Variants in NPHP3 observed in about 807,000 individuals in gnomAD.
The protein encoded by NPHP3 is nephrocystin 3, also known as nephrocystin-3.
Under a neutral mutation model 171.9 loss-of-function variants are expected in NPHP3, and 123 were observed. The ratio of observed to expected loss-of-function variants is 0.72; its 90% CI spans 0.62 to 0.83. NPHP3 has a LOEUF of 0.83. Ranked by LOEUF, NPHP3 falls within the 40% of genes least tolerant of loss-of-function variation. The pLI, the probability that NPHP3 is intolerant of heterozygous loss-of-function variation, is 0.00. For missense variants in NPHP3, 1,506 were observed against 1,591.9 expected (o/e 0.95, Z 0.92); for synonymous variants, 558 against 579.2 (o/e 0.96, Z 0.52).
intron 23 of NPHP3, chr3:132,685,448 CATT>C (rs1337193452): frequency 1.3e-5 from 2 of 152,094 alleles, no homozygotes; most frequent in Non-Finnish European, 2.9e-5. Context: ...AAGAATAAAT[CATT>C]ATTTTTTATA....
At chr3:132,715,456 A>G (rs978154953) in intron 4 of NPHP3, among the ~76,000 whole-genome samples, 2 of 152,232 alleles carry the variant, frequency 1.3e-5, no homozygotes, top group Non-Finnish European at 2.9e-5. Context: ...CAGTGGTTCC[A>G]GTCAAGTGTC....
rs1212070295 is a variant in NPHP3 at position 132,708,132 on chromosome 3, A to G, written c.1244T>C (p.Val415Ala). 2 of 1,614,100 alleles carry G rather than the reference A, an allele frequency of 1.2e-6. No homozygotes were observed. The highest frequency in any genetic ancestry group is 2.7e-5 in the African/African-American group (2 of 74,926). ...SDSVQQLIDQ[V>A]SNLNKTSKAK... Reference sequence around the variant, plus strand: ...TTTGCTGGTCTTGTTTAGATTAGAAACTTGATCAATCAATTGCTGGACAGA... The same window carrying G: ...TTTGCTGGTCTTGTTTAGATTAGAAGCTTGATCAATCAATTGCTGGACAGA... Residue 415 changes from valine (V) to alanine (A), a missense_variant, in exon 7 of 27, where the codon GTT becomes GCT. Physicochemically the swap from Val to Ala is moderately conservative, Grantham distance 64. Around this residue, in one of 3 missense-constraint regions of NPHP3, gnomAD observed 930 missense variants for 924.9 expected, o/e 1.01. Transcript: ENST00000337331.
chr3:132,708,351 C>T, intron 6 of NPHP3, 94 bp from the exon 7 acceptor site: 1 of 1,259,772 alleles, frequency 7.9e-7, no homozygotes, highest in Admixed American at 1.7e-5. Flanking sequence ...AGTTTTACTA[C>T]AGTGACAAGT....
chr3:132,695,287 G>A, intron 15 of NPHP3: 1 of 234,736 alleles, frequency 4.3e-6, no homozygotes, highest in Non-Finnish European at 8.5e-6. Flanking sequence ...CAGGAAGCAG[G>A]GAAACGATGA....
intron 11 of NPHP3, 43 bp downstream of exon 11, chr3:132,700,291 A>G (rs749732243): frequency 2.1e-6 from 3 of 1,417,670 alleles, no homozygotes; most frequent in Non-Finnish European, 3.0e-6. Flanking sequence ...CAATTTCTGA[A>G]TCTAAATAAA....
intron 25 of NPHP3, 26 bp from the exon 26 acceptor site, chr3:132,682,844 A>T (rs1348349767): frequency 8.7e-6 from 12 of 1,384,440 alleles, no homozygotes; most frequent in Non-Finnish European, 1.1e-5. Flanking sequence ...GATAATGCTC[A>T]TGCACACTGG....
chr3:132,695,029 T>A, intron 15 of NPHP3, 64 bp from the exon 16 acceptor site: 1 of 1,538,478 alleles, frequency 6.5e-7, no homozygotes, highest in East Asian at 2.2e-5. Context: ...AATTTTGAGA[T>A]CGATTAAAAA....
intron 10 of NPHP3, 152 bp downstream of exon 10, chr3:132,701,278 C>A: frequency 1.6e-6 from 1 of 608,422 alleles, no homozygotes; most frequent in South Asian, 1.8e-5. Flanking sequence ...AAATTCTATG[C>A]ATTTCAGGGC....
At position 132,692,838 on chromosome 3, in the gene NPHP3, A is replaced by G; in HGVS notation, c.2311-20T>C. On this transcript the variant is annotated intron_variant, in intron 16 of 26. Transcript: ENST00000337331. The stretch of plus-strand genomic sequence containing the variant: ...GAGGATCTAGGTAGAAAAACAAATT[A>G]ACAGTAATCATAAAGCACCTGTATA... 6.2e-7 allele frequency: 1 copy of G among 1,609,598 alleles called. No individual in the cohort carries two copies. The highest frequency in any genetic ancestry group is 1.1e-5 in the South Asian group (1 of 90,928).
chr3:132,691,109 T>C, intron 18 of NPHP3, 83 bp downstream of exon 18: 1 of 1,050,666 alleles, frequency 9.5e-7, no homozygotes, highest in Non-Finnish European at 1.5e-6. Context: ...GTACTTTAAG[T>C]TGTAAGCTAA....
At chr3:132,694,359 G>A (rs1010650300) in intron 16 of NPHP3, among the ~76,000 whole-genome samples, 1 of 144,674 alleles carries the variant, frequency 6.9e-6, no homozygotes, top group Non-Finnish European at 1.5e-5. Flanking sequence ...GAAATTATGT[G>A]TGTGTGTGTG....
chr3:132,690,421 C>T, intron 19 of NPHP3, 107 bp downstream of exon 19: 1 of 1,052,832 alleles, frequency 9.5e-7, no homozygotes, highest in Non-Finnish European at 1.4e-6. Flanking sequence ...ATTTGTATTT[C>T]AGATACTTAG....
chr3:132,694,746 T>G (rs367543618), intron 16 of NPHP3, 81 bp downstream of exon 16: 4 of 1,537,756 alleles, frequency 2.6e-6, no homozygotes, highest in East Asian at 4.5e-5. Flanking sequence ...AGCACAAATT[T>G]TAAAAGAATT....
At chr3:132,704,554 G>T (rs1209773331) in intron 8 of NPHP3, among the ~76,000 whole-genome samples, 183 bp from the exon 9 acceptor site, 1 of 151,630 alleles carries the variant, frequency 6.6e-6, no homozygotes, top group African/African-American at 2.4e-5. Context: ...TAAAAACAAA[G>T]AAATAAAAAT....
In NPHP3 at chr3:132,721,357, G is replaced by A. The variant is rs550753266; in HGVS notation, c.393+606C>T. The A allele has an allele frequency of 1.5e-4, 26 of 170,046 alleles. 1 individual carries two copies. In the South Asian group the frequency reaches 3.0e-3, roughly 20 times the overall value. The allele number at this position is 170,046 out of a possible 1,614,324, so 10.5% of individuals were successfully genotyped here. A position where few individuals can be genotyped will look rare whatever the true frequency, so the allele number is the denominator to read the frequency against. ...AAGGTTTTCAACCATGGTGAGATCA[G>A]GAGGCTTCCAGAAATTTTCATGTCA... On this transcript the variant is annotated intron_variant, in intron 1 of 26. Coordinates refer to ENST00000337331, the MANE Select transcript of NPHP3 (RefSeq NM_153240.5).
chr3:132,696,712 T>G lies in NPHP3; in HGVS notation c.2171+19A>C. ...AACACAAAACATGCAGAAGATCATG[T>G]AAAATAATCACCACTCACCGCGCGA... On this transcript the variant is annotated intron_variant, in intron 15 of 26. Coordinates refer to ENST00000337331, the MANE Select transcript of NPHP3 (RefSeq NM_153240.5). 6.2e-7 allele frequency: 1 copy of G among 1,609,652 alleles called. No individual in the cohort carries two copies. The highest frequency in any genetic ancestry group is 8.5e-7 in the Non-Finnish European group (1 of 1,175,882).
chr3:132,720,651 A>T (rs78303472), intron 1 of NPHP3, among the ~76,000 whole-genome samples: 4,687 of 152,174 alleles, frequency 0.031, 271 homozygotes, highest in African/African-American at 0.11. Flanking sequence ...GAGGGAGTTT[A>T]AAAACAAAAA....
At chr3:132,702,751 A>G (rs1316128596) in intron 9 of NPHP3, among the ~76,000 whole-genome samples, 1 of 152,226 alleles carries the variant, frequency 6.6e-6, no homozygotes, top group Non-Finnish European at 1.5e-5. Flanking sequence ...TTATATCTCT[A>G]AAGAATATAT....
intron 7 of NPHP3, among the ~76,000 whole-genome samples, chr3:132,707,275 C>T (rs1346898216): frequency 6.6e-6 from 1 of 152,128 alleles, no homozygotes; most frequent in Non-Finnish European, 1.5e-5. Flanking sequence ...GCAGCGTGGA[C>T]AACATAATAA....
Sources: gnomAD v4.1 joint callset for allele counts (sites outside exome capture counted in the v4.1 genomes callset) on GRCh38, gnomAD v4.1.1 for gene constraint, gnomAD v4.1.1 regional missense constraint, MANE v1.5 for transcripts, NCBI Gene and HGNC (gene_info 2026-07-23, HGNC 2026-07-21) for gene names.